SEC24D: variants seen among roughly 807,000 people sequenced by gnomAD.
The protein encoded by SEC24D is protein transport protein Sec24D.
Under a neutral mutation model 116.9 loss-of-function variants are expected in SEC24D, and 69 were observed. The observed-to-expected ratio is 0.59, with a 90% CI of 0.49 to 0.72. The LOEUF (loss-of-function observed/expected upper bound fraction) is 0.72, where lower values mean the gene tolerates loss of function less well. Among genes scored for constraint, SEC24D ranks in the 30% least tolerant of loss-of-function variants. The probability of loss-of-function intolerance (pLI) is 0.00; values close to 1 mark genes in which losing one functional copy is unlikely to be tolerated. For missense variants in SEC24D, 1,131 were observed against 1,264.1 expected (o/e 0.89, Z 1.60); for synonymous variants, 405 against 442.8 (o/e 0.91, Z 1.07).
At chr4:118,728,833 T>C (rs879903995) in intron 21 of SEC24D, 183 bp from the exon 22 acceptor site, 6 of 517,174 alleles carry the variant, frequency 1.2e-5, no homozygotes, top group Admixed American at 3.7e-5. Context: ...ATTCCCATAA[T>C]TGACAGAAGA....
intron 3 of SEC24D, 65 bp from the exon 4 acceptor site, chr4:118,817,477 G>A (rs1051138842): frequency 2.9e-5 from 40 of 1,371,402 alleles, no homozygotes; most frequent in Non-Finnish European, 3.8e-5. Context: ...GTACAATAAT[G>A]TTAATAGCTT....
intron 12 of SEC24D, among the ~76,000 whole-genome samples, chr4:118,752,462 A>G (rs1726888119): frequency 6.6e-6 from 1 of 152,216 alleles, no homozygotes; most frequent in Non-Finnish European, 1.5e-5. Flanking sequence ...AAGAACCAAT[A>G]GGGCTGAATG....
chr4:118,746,938 G>A (rs1347144762), intron 13 of SEC24D, among the ~76,000 whole-genome samples: 2 of 152,084 alleles, frequency 1.3e-5, no homozygotes, highest in African/African-American at 4.8e-5. Flanking sequence ...GGTGTAACCT[G>A]GGGCCTGCTG....
intron 6 of SEC24D, 40 bp downstream of exon 6, chr4:118,814,988 C>G (rs778769112): frequency 5.0e-6 from 8 of 1,602,500 alleles, no homozygotes; most frequent in East Asian, 2.2e-5. Context: ...AATTAATGCT[C>G]CTTTGTGAGT....
At position 118,768,166 on chromosome 4, in the gene SEC24D, T is replaced by TG. The variant is rs759682847; in HGVS notation, c.1180+6dup. On this transcript the variant is annotated splice_region_variant and intron_variant, in intron 9 of 22. Transcript: ENST00000280551. The stretch of plus-strand genomic sequence containing the variant: ...TTTCACAAAGAGCTTTTAATGGCAC[T>TG]GCTTACCATCATTCACACAGTTGCA... The TG allele has an allele frequency of 4.0e-5, 64 of 1,608,246 alleles. No individual in the cohort carries two copies. The highest frequency in any genetic ancestry group is 5.2e-5 in the Non-Finnish European group (61 of 1,177,890).
intron 8 of SEC24D, among the ~76,000 whole-genome samples, chr4:118,777,619 T>C (rs1243479729): frequency 6.6e-6 from 1 of 152,244 alleles, no homozygotes; most frequent in Non-Finnish European, 1.5e-5. Context: ...CCTTTGGGTA[T>C]ATACCCAGTA....
At chr4:118,728,452 G>A in intron 22 of SEC24D, 109 bp downstream of exon 22, 1 of 651,708 alleles carries the variant, frequency 1.5e-6, no homozygotes, top group Non-Finnish European at 2.6e-6. Context: ...GTGATGGTGT[G>A]AGTTTTTAAA....
chr4:118,817,241 A>C, intron 4 of SEC24D, 23 bp downstream of exon 4: 1 of 1,575,056 alleles, frequency 6.3e-7, no homozygotes, highest in Non-Finnish European at 8.6e-7. Flanking sequence ...GCAGTCAATA[A>C]ACACTAATAA....
chr4:118,835,540 AG>A (rs1395851617), intron 1 of SEC24D, among the ~76,000 whole-genome samples: 1 of 152,222 alleles, frequency 6.6e-6, no homozygotes, highest in Non-Finnish European at 1.5e-5. Flanking sequence ...GGATGTCCCG[AG>A]GCTTCAAGAT....
In SEC24D at chr4:118,817,465, G is replaced by A. The variant is rs1578470743; in HGVS notation, c.249-53C>T. On this transcript the variant is annotated intron_variant, in intron 3 of 22. Transcript: ENST00000280551. ...AATATCACAGCGTCTCAAGCAAATG[G>A]CGTACAATAATGTTAATAGCTTGTA... The A allele has an allele frequency of 3.3e-6, 5 of 1,504,774 alleles. No individual in the cohort carries two copies. The South Asian group carries it at 6.4e-5, about 19-fold the overall frequency. 93.2% of individuals were successfully genotyped at this position (1,504,774 alleles called of 1,614,324 possible). A position where few individuals can be genotyped will look rare whatever the true frequency, so the allele number is the denominator to read the frequency against.
At chr4:118,785,387 C>T (rs1728625812) in intron 8 of SEC24D, among the ~76,000 whole-genome samples, 1 of 152,110 alleles carries the variant, frequency 6.6e-6, no homozygotes, top group African/African-American at 2.4e-5. Flanking sequence ...CAGATGTGGT[C>T]CCTACCCTTG....
At chr4:118,790,514 C>T (rs912721586) in intron 8 of SEC24D, among the ~76,000 whole-genome samples, 4 of 152,024 alleles carry the variant, frequency 2.6e-5, no homozygotes, top group African/African-American at 9.7e-5. Context: ...ACAGCATAAC[C>T]AATTACTTTT....
intron 7 of SEC24D, among the ~76,000 whole-genome samples, chr4:118,800,248 TAAG>T (rs1173787004): frequency 6.6e-5 from 10 of 152,202 alleles, no homozygotes; most frequent in Admixed American, 6.5e-4. Context: ...AAATAGTCAC[TAAG>T]GAGAGTGGAA....
intron 3 of SEC24D, among the ~76,000 whole-genome samples, chr4:118,820,059 T>G (rs1730330541): frequency 6.6e-6 from 1 of 152,156 alleles, no homozygotes; most frequent in African/African-American, 2.4e-5. Flanking sequence ...TAAAAGCAAT[T>G]ATTATCAATT....
intron 8 of SEC24D, among the ~76,000 whole-genome samples, chr4:118,789,555 A>G (rs1001874636): frequency 2.0e-5 from 3 of 152,198 alleles, no homozygotes; most frequent in Non-Finnish European, 2.9e-5. Context: ...CATTAACAAG[A>G]AAGATTTAAA....
chr4:118,741,512 T>TCTGAAAA (rs1428091109), intron 15 of SEC24D, among the ~76,000 whole-genome samples: 1 of 152,194 alleles, frequency 6.6e-6, no homozygotes, highest in Non-Finnish European at 1.5e-5. Flanking sequence ...TCACCGTATT[T>TCTGAAAA]CTGAAAACTG....
chr4:118,745,417 C>T (rs1207359322), intron 13 of SEC24D, among the ~76,000 whole-genome samples: 4 of 152,132 alleles, frequency 2.6e-5, no homozygotes, highest in Non-Finnish European at 5.9e-5. Context: ...AGGTAAATCC[C>T]ATAATGTAAA....
chr4:118,753,769 T>C (rs13109947), intron 11 of SEC24D, among the ~76,000 whole-genome samples: 39,914 of 152,038 alleles, frequency 0.26, 6,430 homozygotes, highest in East Asian at 0.45. Context: ...TTGATGCTCT[T>C]ACCAATTTTC....
intron 2 of SEC24D, chr4:118,825,295 G>T: frequency 3.9e-6 from 1 of 254,980 alleles, no homozygotes; most frequent in East Asian, 9.8e-5. Context: ...CTAACTGGCT[G>T]GATGATGAAC....
Sources: allele counts gnomAD v4.1 joint callset (sites outside exome capture counted in the v4.1 genomes callset), GRCh38; gene constraint gnomAD v4.1.1; transcripts MANE v1.5; gene names NCBI Gene and HGNC (gene_info 2026-07-23, HGNC 2026-07-21).